SASH1: variants seen among roughly 807,000 people sequenced by gnomAD.
SASH1 encodes SAM and SH3 domain containing 1.
Under a neutral mutation model 125.2 loss-of-function variants are expected in SASH1, and 44 were observed. The observed-to-expected ratio is 0.35, with a 90% CI of 0.28 to 0.45. The LOEUF is 0.45. Ranked by LOEUF, SASH1 falls within the 20% of genes least tolerant of loss-of-function variation. The probability of loss-of-function intolerance (pLI) is 1.00; values close to 1 mark genes in which losing one functional copy is unlikely to be tolerated. For synonymous variants in SASH1, 639 were observed against 649.1 expected (o/e 0.98, Z 0.24); for missense variants, 1,426 against 1,614.5 (o/e 0.88, Z 2.00).
At chr6:148,451,992 A>G (rs1271832527) in intron 4 of SASH1, among the ~76,000 whole-genome samples, 1 of 152,128 alleles carries the variant, frequency 6.6e-6, no homozygotes, top group East Asian at 1.9e-4. Flanking sequence ...ACACAGAGGC[A>G]TGCCCTTCAG....
intron 1 of SASH1, among the ~76,000 whole-genome samples, chr6:148,307,272 C>T (rs1780170167): frequency 6.6e-6 from 1 of 151,874 alleles, no homozygotes; most frequent in Non-Finnish European, 1.5e-5. Context: ...GTGTGTGCCA[C>T]CATGCCTGGC....
chr6:148,492,847 A>C (rs908484589), intron 8 of SASH1, among the ~76,000 whole-genome samples: 4 of 149,140 alleles, frequency 2.7e-5, no homozygotes, highest in African/African-American at 7.3e-5. Flanking sequence ...TAAATAAATA[A>C]ATAAATAAAT....
At chr6:148,504,734 CAGG>C (rs1390449193) in intron 8 of SASH1, among the ~76,000 whole-genome samples, 8 of 143,398 alleles carry the variant, frequency 5.6e-5, no homozygotes, top group African/African-American at 2.2e-4. Context: ...ATGCAAGGAG[CAGG>C]AGATCAGACA....
chr6:148,433,650 C>G (rs572829988), intron 2 of SASH1, among the ~76,000 whole-genome samples: 1 of 151,994 alleles, frequency 6.6e-6, no homozygotes, highest in African/African-American at 2.4e-5. Context: ...GTGATCCGCC[C>G]GCCTCAGCTT....
intron 2 of SASH1, among the ~76,000 whole-genome samples, chr6:148,428,085 A>T (rs1375090916): frequency 8.5e-5 from 13 of 152,174 alleles, no homozygotes; most frequent in Non-Finnish European, 1.3e-4. Context: ...AGTAACATCC[A>T]TCTCGTAACT....
At chr6:148,358,094 G>A (rs1674638817) in intron 1 of SASH1, among the ~76,000 whole-genome samples, 2 of 146,082 alleles carry the variant, frequency 1.4e-5, no homozygotes, top group Admixed American at 6.9e-5. Context: ...AATTCAAGCT[G>A]CAGAGCAGTT....
intron 1 of SASH1, among the ~76,000 whole-genome samples, chr6:148,375,835 C>G (rs1782870264): frequency 6.6e-6 from 1 of 152,130 alleles, no homozygotes; most frequent in Admixed American, 6.5e-5. Context: ...ATGAACGCAA[C>G]AGAGTTCCCC....
At chr6:148,368,770 G>GCACGCACGCACACACACACACACACA (rs1554245333) in intron 1 of SASH1, among the ~76,000 whole-genome samples, 4 of 135,644 alleles carry the variant, frequency 2.9e-5, no homozygotes, top group African/African-American at 5.3e-5. Context: ...GCACGCGCGC[G>GCACGCACGCACACACACACACACACA]CACACACACA....
chr6:148,393,059 T>C (rs919409354), intron 2 of SASH1, among the ~76,000 whole-genome samples: 8 of 148,548 alleles, frequency 5.4e-5, no homozygotes, highest in Non-Finnish European at 1.0e-4. Context: ...TTTTTTTTTT[T>C]TTTTGAGATG....
At chr6:148,418,709 CAGGG>C (rs1784924306) in intron 2 of SASH1, among the ~76,000 whole-genome samples, 1 of 152,202 alleles carries the variant, frequency 6.6e-6, no homozygotes, top group African/African-American at 2.4e-5. Flanking sequence ...AGCCTGTGCC[CAGGG>C]TACACTGAAG....
At chr6:148,257,871 C>A in the SASH1 span, among the ~76,000 whole-genome samples, 1 of 152,060 alleles carries the variant, frequency 6.6e-6, no homozygotes, top group Non-Finnish European at 1.5e-5. Context: ...CCCTGTGATC[C>A]GCCCACCTTG....
Position 148,544,498 on chromosome 6 carries a change from G to A in SASH1, c.3028G>A (p.Ala1010Thr). The change falls in exon 18 of 20, where the codon GCC becomes ACC. Residue 1010 changes from alanine (A) to threonine (T), a missense_variant. By Grantham distance (58) the Ala-to-Thr change is moderately conservative. This residue lies in a region of SASH1 where 634 missense variants were observed against 694.4 expected (regional missense o/e 0.91). Transcript: ENST00000367467. The surrounding 1 kb of genome is among the most constrained non-coding windows in gnomAD (Gnocchi z 6.4). ...CCCTGTTCCCATGGGCCCCAGTGGG[G>A]CCCTCCCCAGTCCCGATGCGCCATG... ...LHPVPMGPSGALPSPDAPCLP... is the reference protein window; with the variant it reads ...LHPVPMGPSGTLPSPDAPCLP... 6.2e-7 allele frequency: 1 copy of A among 1,613,728 alleles called. No individual in the cohort carries two copies. Among genetic ancestry groups the A allele is most frequent in the Non-Finnish European group, 8.5e-7 (1 of 1,180,002 alleles).
rs1171340570 is a variant in SASH1 at position 148,533,792 on chromosome 6, A to G, written c.1756A>G (p.Ile586Val). 2 of 1,613,414 alleles carry G rather than the reference A, an allele frequency of 1.2e-6. No individual in the cohort carries two copies. Among genetic ancestry groups the G allele is most frequent in the Non-Finnish European group, 1.7e-6 (2 of 1,179,890 alleles). The change falls in exon 15 of 20, where the codon ATC becomes GTC. Residue 586 changes from isoleucine (I) to valine (V), a missense_variant. Physicochemically the swap from Ile to Val is conservative, Grantham distance 29. Transcript: ENST00000367467. The surrounding 1 kb of genome is among the most constrained non-coding windows in gnomAD (Gnocchi z 6.2). Reference protein sequence around the residue: ...KLKKGDIIDIISKPPMGTWMG... With the variant: ...KLKKGDIIDIVSKPPMGTWMG... ...ACAGAAAGGAGATATCATCGATATAATCAGCAAGCCACCCATGGGGACCTG... is the reference window on the plus strand; with the variant it reads ...ACAGAAAGGAGATATCATCGATATAGTCAGCAAGCCACCCATGGGGACCTG...
chr6:148,314,670 T>C (rs1347319649), intron 1 of SASH1, among the ~76,000 whole-genome samples: 1 of 152,154 alleles, frequency 6.6e-6, no homozygotes, highest in African/African-American at 2.4e-5. Flanking sequence ...ATCATTACTG[T>C]CTTTAGTTCA....
At position 148,543,964 on chromosome 6, in the gene SASH1, G is replaced by A; in HGVS notation, c.2494G>A (p.Asp832Asn). ...CETLEGPQTV[D>N]TWPRSHSLDD... ...GACCCTGGAGGGCCCCCAGACTGTG[G>A]ACACTTGGCCCCGATCCCATTCCCT... The change falls in exon 18 of 20, where the codon GAC becomes AAC. Residue 832 changes from aspartate to asparagine, a missense_variant. Transcript: ENST00000367467. The A allele has an allele frequency of 6.2e-7, 1 of 1,614,084 alleles. No individual in the cohort carries two copies.
In SASH1 at chr6:148,533,785, C is replaced by T. The variant is rs140109825; in HGVS notation, c.1749C>T (p.Ile583=). 147 of 1,613,086 alleles carry T rather than the reference C, an allele frequency of 9.1e-5. No individual in the cohort carries two copies. The highest frequency in any genetic ancestry group is 1.2e-4 in the Admixed American group (7 of 60,000). ...CTGGGCCACAGAAAGGAGATATCAT[C>T]GATATAATCAGCAAGCCACCCATGG... is the stretch of plus-strand genomic sequence containing the variant. ...DSLKLKKGDI[I]DIISKPPMGT... The change falls in exon 15 of 20, where the codon ATC becomes ATT. Residue 583 remains isoleucine (I), a synonymous_variant. Coordinates refer to ENST00000367467, the MANE Select transcript of SASH1 (RefSeq NM_015278.5). The surrounding 1 kb of genome is among the most constrained non-coding windows in gnomAD (Gnocchi z 6.2).
At position 148,328,140 on chromosome 6, in the gene SASH1, C is replaced by T. The variant is rs558243399; in HGVS notation, n.74+55763C>T. 6.6e-5 allele frequency among the ~76,000 whole-genome samples: 10 copies of T among 152,178 alleles called. No individual in the cohort carries two copies. The East Asian group carries it at 1.4e-3, about 21-fold the overall frequency. ...CACTGCAGCCTTGAACGGTTGGCCT[C>T]GAGTGATTCTCCAGCCTTAACCTCC... is the stretch of plus-strand genomic sequence containing the variant. On this transcript the variant is annotated intron_variant and non_coding_transcript_variant, in intron 1 of 3. Coordinates refer to the SASH1 transcript ENST00000367469.
intron 9 of SASH1, among the ~76,000 whole-genome samples, chr6:148,518,891 G>A (rs1165645100): frequency 1.3e-5 from 2 of 152,134 alleles, no homozygotes; most frequent in African/African-American, 2.4e-5. Context: ...GCCCTTAAAC[G>A]CCCTGGCTGC....
chr6:148,268,307 T>A (rs1470747573), upstream of SASH1, among the ~76,000 whole-genome samples: 1 of 152,220 alleles, frequency 6.6e-6, no homozygotes, highest in Non-Finnish European at 1.5e-5. Flanking sequence ...CAGACACAAC[T>A]AAATTTTTAT....
Sources: gnomAD v4.1 joint callset for allele counts (sites outside exome capture counted in the v4.1 genomes callset) on GRCh38, gnomAD v4.1.1 for gene constraint, gnomAD v4.1.1 regional missense constraint, Gnocchi (gnomAD v3.1) non-coding constraint, MANE v1.5 for transcripts, NCBI Gene and HGNC (gene_info 2026-07-23, HGNC 2026-07-21) for gene names.